OPRM1: variants seen among roughly 807,000 people sequenced by gnomAD.
OPRM1 encodes the protein opioid receptor mu 1, also known as mu-type opioid receptor.
A neutral mutation model predicts 31.8 loss-of-function variants in OPRM1; 27 were observed. The ratio of observed to expected loss-of-function variants is 0.85; its 90% CI spans 0.63 to 1.17. The LOEUF is 1.17. Ranked by LOEUF, OPRM1 falls within the 50% of genes most tolerant of loss-of-function variation. OPRM1 has a pLI of 0.00. For missense variants in OPRM1, 536 were observed against 511.1 expected (o/e 1.05, Z -0.47); for synonymous variants, 196 against 189.9 (o/e 1.03, Z -0.26).
intron 3 of OPRM1, chr6:154,246,574 G>C (rs754914140): frequency 1.2e-6 from 2 of 1,602,116 alleles, no homozygotes; most frequent in Non-Finnish European, 1.7e-6. Flanking sequence ...GGAATAGGAG[G>C]AAGAAAGCAG....
chr6:154,050,627 G>A (rs1042895508), intron 1 of OPRM1, among the ~76,000 whole-genome samples: 2 of 151,898 alleles, frequency 1.3e-5, no homozygotes, highest in Admixed American at 6.6e-5. Flanking sequence ...CTGATGGGGG[G>A]CTGGGAGGAG....
chr6:154,011,268 A>T (rs767521844), intron 1 of OPRM1, among the ~76,000 whole-genome samples: 42 of 152,130 alleles, frequency 2.8e-4, no homozygotes, highest in Non-Finnish European at 5.4e-4. Context: ...AGTGATTTTT[A>T]TGCCAAATTA....
intron 3 of OPRM1, among the ~76,000 whole-genome samples, chr6:154,191,137 C>G (rs1208863250): frequency 1.3e-5 from 2 of 152,082 alleles, no homozygotes; most frequent in Non-Finnish European, 2.9e-5. Flanking sequence ...AGAAGCCAAT[C>G]TGAAAAGGGT....
At chr6:154,042,492 A>G (rs371860337) in intron 1 of OPRM1, among the ~76,000 whole-genome samples, 96 of 152,332 alleles carry the variant, frequency 6.3e-4, no homozygotes, top group African/African-American at 2.2e-3. Context: ...AATATTTATT[A>G]AAATGTTTTA....
chr6:154,173,530 AG>A (rs1426801072), intron 3 of OPRM1, among the ~76,000 whole-genome samples: 1 of 152,238 alleles, frequency 6.6e-6, no homozygotes. Context: ...AGCATACACA[AG>A]CTTCAACAGC....
At chr6:154,196,530 A>T (rs1262269867) in intron 3 of OPRM1, among the ~76,000 whole-genome samples, 1 of 152,182 alleles carries the variant, frequency 6.6e-6, no homozygotes, top group African/African-American at 2.4e-5. Flanking sequence ...GCTGACATGC[A>T]GCTTTTCAGC....
At position 154,108,828 on chromosome 6, in the gene OPRM1, C is replaced by T. The variant is rs765207258; in HGVS notation, c.1165-9855C>T. The T allele has an allele frequency of 1.1e-5, 11 of 984,868 alleles. No homozygotes were observed. In the African/African-American group the frequency reaches 1.6e-4, roughly 14 times the overall value. The allele number at this position is 984,868 out of a possible 1,614,324, so 61.0% of individuals were successfully genotyped here. On this transcript the variant is annotated intron_variant, in intron 3 of 3. Transcript: ENST00000330432. ...TCCATGGAGGAATGCTTGATAACCT[C>T]GGTGATAAGATAAAAAACCAAGCAT...
chr6:154,121,217 G>A lies in OPRM1; in HGVS notation c.*2496G>A, dbSNP rs530608293. Among the ~76,000 whole-genome samples, 40 of 152,260 alleles carry A rather than the reference G, an allele frequency of 2.6e-4. No individual in the cohort carries two copies. Among genetic ancestry groups the A allele is most frequent in the East Asian group, 2.5e-3 (13 of 5,182 alleles). Reference sequence around the variant, plus strand: ...GAAATGCAGACTGTAGCTATGGGGCGGAAGCTTTGTTTCTTTACCTGATCA... The same window carrying A: ...GAAATGCAGACTGTAGCTATGGGGCAGAAGCTTTGTTTCTTTACCTGATCA... On this transcript the variant is annotated 3_prime_UTR_variant, in exon 4 of 4. Coordinates refer to ENST00000330432, the MANE Select transcript of OPRM1 (RefSeq NM_000914.5).
intron 3 of OPRM1, among the ~76,000 whole-genome samples, chr6:154,226,637 C>A (rs1250953739): frequency 6.6e-6 from 1 of 152,158 alleles, no homozygotes; most frequent in Non-Finnish European, 1.5e-5. Flanking sequence ...CAACTGTTCT[C>A]CTTCTCTATA....
At chr6:154,160,649 T>A (rs757302931) in intron 3 of OPRM1, among the ~76,000 whole-genome samples, 9 of 152,228 alleles carry the variant, frequency 5.9e-5, no homozygotes, top group Non-Finnish European at 1.0e-4. Flanking sequence ...CTGCCTCCTC[T>A]GTAACCAATG....
intron 3 of OPRM1, among the ~76,000 whole-genome samples, chr6:154,150,122 G>A (rs1383337997): frequency 6.6e-6 from 1 of 152,152 alleles, no homozygotes; most frequent in Admixed American, 6.5e-5. Context: ...AATCTGCCTG[G>A]CAGTTCTGAC....
At chr6:154,107,417 A>G (rs1172203434) in intron 3 of OPRM1, 1 of 717,664 alleles carries the variant, frequency 1.4e-6, no homozygotes, top group Non-Finnish European at 2.6e-6. Flanking sequence ...GGAGAAGAGA[A>G]TAGACGTCTT....
intron 1 of OPRM1, among the ~76,000 whole-genome samples, chr6:154,021,214 T>C (rs978345115): frequency 1.3e-5 from 2 of 152,232 alleles, no homozygotes; most frequent in African/African-American, 4.8e-5. Flanking sequence ...TGTTGAAAAC[T>C]TACTTTTCTC....
At position 154,075,338 on chromosome 6, in the gene OPRM1, G is replaced by C. The variant is rs544838238; in HGVS notation, c.291-14488G>C. Among the ~76,000 whole-genome samples the C allele has an allele frequency of 1.2e-3, 184 of 152,138 alleles. 1 individual carries two copies. The highest frequency in any genetic ancestry group is 2.2e-3 in the Non-Finnish European group (149 of 67,996). Reference sequence around the variant, plus strand: ...TTGAAAATGATACGGTGAGCAATAGGAATGAGACAAAGTAAAAAGAACTGG... The same window carrying C: ...TTGAAAATGATACGGTGAGCAATAGCAATGAGACAAAGTAAAAAGAACTGG... On this transcript the variant is annotated intron_variant, in intron 1 of 3. Coordinates refer to ENST00000330432, the MANE Select transcript of OPRM1 (RefSeq NM_000914.5).
At chr6:154,115,180 G>A (rs1323111399) in intron 3 of OPRM1, among the ~76,000 whole-genome samples, 2 of 152,234 alleles carry the variant, frequency 1.3e-5, no homozygotes, top group Middle Eastern at 3.4e-3. Context: ...ACAAGAGAAG[G>A]ACCTCGGAGA....
intron 1 of OPRM1, among the ~76,000 whole-genome samples, chr6:154,060,407 G>T (rs1784159188): frequency 6.6e-6 from 1 of 152,168 alleles, no homozygotes. Flanking sequence ...ACTCTTATCT[G>T]TAACTCTTTC....
At chr6:154,222,918 C>G in intron 3 of OPRM1, 1 of 517,292 alleles carries the variant, frequency 1.9e-6, no homozygotes, top group Non-Finnish European at 3.5e-6. Context: ...ATCACAGACA[C>G]AGTCATCAAC....
chr6:154,160,180 G>A, intron 3 of OPRM1: 1 of 683,380 alleles, frequency 1.5e-6, no homozygotes, highest in Non-Finnish European at 2.5e-6. Context: ...TCTAATTCCA[G>A]CATTAAGCTT....
intron 3 of OPRM1, among the ~76,000 whole-genome samples, chr6:154,152,323 G>GA (rs1301926440): frequency 2.1e-3 from 67 of 31,676 alleles, no homozygotes; most frequent in East Asian, 0.012. Context: ...AAGAAAGAAA[G>GA]AAAGAAAGAA....
Sources: allele counts gnomAD v4.1 joint callset (sites outside exome capture counted in the v4.1 genomes callset), GRCh38; gene constraint gnomAD v4.1.1; transcripts MANE v1.5; gene names NCBI Gene and HGNC (gene_info 2026-07-23, HGNC 2026-07-21).